SSC4D: variants seen among roughly 807,000 people sequenced by gnomAD.
The protein encoded by SSC4D is scavenger receptor cysteine rich family member with 4 domains, also known as scavenger receptor cysteine-rich domain-containing group B protein.
A neutral mutation model predicts 63.4 loss-of-function variants in SSC4D; 57 were observed. The observed-to-expected ratio is 0.90, with a 90% confidence interval of 0.73 to 1.12. SSC4D has a LOEUF of 1.12. Among genes scored for constraint, SSC4D ranks in the 50% most tolerant of loss-of-function variants. The pLI is 0.00. For missense variants in SSC4D, 791 were observed against 806.4 expected (o/e 0.98, Z 0.23); for synonymous variants, 352 against 345.4 (o/e 1.02, Z -0.21).
In SSC4D at chr7:76,393,878, G is replaced by T; in HGVS notation, c.973C>A (p.Arg325=). ...SATGVGPQPS[R]ETALLTTAAW... ...GCGGTGGTGAGCAGTGCTGTCTCCC[G>T]GGAAGGCTGGGGGCCAACTCCTGTA... Residue 325 remains arginine (R), a synonymous_variant, in exon 8 of 11, where the codon CGG becomes AGG. Transcript: ENST00000275560. 1 of 1,605,960 alleles carries T rather than the reference G, an allele frequency of 6.2e-7. No homozygotes were observed. Among genetic ancestry groups the T allele is most frequent in the East Asian group, 2.2e-5 (1 of 44,624 alleles).
At chr7:76,398,347 T>A (rs1804708350) in intron 5 of SSC4D, among the ~76,000 whole-genome samples, 2 of 149,762 alleles carry the variant, frequency 1.3e-5, no homozygotes, top group African/African-American at 4.9e-5. Flanking sequence ...TCTCACTGTG[T>A]CCCCCAGGCT....
intron 2 of SSC4D, among the ~76,000 whole-genome samples, chr7:76,402,901 A>G (rs1236763648): frequency 2.6e-5 from 4 of 152,198 alleles, no homozygotes; most frequent in African/African-American, 7.2e-5. Context: ...TCCCGACCTC[A>G]GGTGATCCAT....
intron 1 of SSC4D, among the ~76,000 whole-genome samples, chr7:76,405,729 G>T (rs540895082): frequency 1.3e-5 from 2 of 152,090 alleles, no homozygotes; most frequent in Admixed American, 6.6e-5. Flanking sequence ...GGATGGAAAC[G>T]CATGAGGAGT....
intron 1 of SSC4D, among the ~76,000 whole-genome samples, chr7:76,407,795 A>T (rs201262174): frequency 2.3e-4 from 35 of 152,316 alleles, no homozygotes; most frequent in African/African-American, 7.9e-4. Context: ...CATTCACACC[A>T]TGTAACCAGT....
chr7:76,409,450 C>T lies in SSC4D; in HGVS notation c.-103G>A, dbSNP rs1335808652. Reference sequence around the variant, plus strand: ...TTCTGGGCTCTTTCTGTCCCTTCTTCTACAGTCAATCCAAGATCGAATCAC... The same window carrying T: ...TTCTGGGCTCTTTCTGTCCCTTCTTTTACAGTCAATCCAAGATCGAATCAC... On this transcript the variant is annotated 5_prime_UTR_variant, in exon 1 of 11. Transcript: ENST00000275560. 6.6e-6 allele frequency: 1 copy of T among 152,280 alleles called. No individual in the cohort carries two copies. The highest frequency in any genetic ancestry group is 1.5e-5 in the Non-Finnish European group (1 of 68,142). 9.4% of individuals were successfully genotyped at this position (152,280 alleles called of 1,614,324 possible). A position where few individuals can be genotyped will look rare whatever the true frequency, so the allele number is the denominator to read the frequency against.
At chr7:76,401,258 T>TAG (rs1394636083) in intron 2 of SSC4D, among the ~76,000 whole-genome samples, 1 of 152,112 alleles carries the variant, frequency 6.6e-6, no homozygotes, top group Non-Finnish European at 1.5e-5. Flanking sequence ...TGGGCCAACC[T>TAG]AGAGAGATCT....
At position 76,400,332 on chromosome 7, in the gene SSC4D, G is replaced by C; in HGVS notation, c.429C>G (p.Gly143=). Residue 143 remains glycine, a synonymous_variant, in exon 4 of 11, where the codon GGC becomes GGG. Transcript: ENST00000275560. ...CCTCGTAGTGAAAGCAATTGTGGACGCCCCAGCCGCGGCTGCCGCACTCGC... is the reference window on the plus strand; with the variant it reads ...CCTCGTAGTGAAAGCAATTGTGGACCCCCCAGCCGCGGCTGCCGCACTCGC... ...ALSECGSRGW[G]VHNCFHYEDV... The C allele has an allele frequency of 6.7e-7, 1 of 1,501,988 alleles. No homozygotes were observed. The highest frequency in any genetic ancestry group is 8.9e-7 in the Non-Finnish European group (1 of 1,121,136). 93.0% of individuals were successfully genotyped at this position (1,501,988 alleles called of 1,614,324 possible).
At chr7:76,404,833 C>G (rs55722505) in intron 1 of SSC4D, among the ~76,000 whole-genome samples, 67,631 of 151,430 alleles carry the variant, frequency 0.45, 15,378 homozygotes, top group South Asian at 0.53. Flanking sequence ...ACTTTGGGAG[C>G]CTGAGGGAGG....
chr7:76,405,336 TTTC>T (rs1310377395), intron 1 of SSC4D, among the ~76,000 whole-genome samples: 2 of 75,420 alleles, frequency 2.7e-5, no homozygotes, highest in African/African-American at 1.3e-4. Context: ...TCTTTCTTTC[TTTC>T]TTTTTTTTTT....
At chr7:76,405,297 A>G (rs865993756) in intron 1 of SSC4D, among the ~76,000 whole-genome samples, 1,405 of 44,578 alleles carry the variant, frequency 0.032, 68 homozygotes, top group African/African-American at 0.057. Context: ...ATATATATAT[A>G]TATATATATA....
In SSC4D at chr7:76,389,944, A is replaced by T; in HGVS notation, c.*115T>A. On this transcript the variant is annotated 3_prime_UTR_variant, in exon 11 of 11. Transcript: ENST00000275560. ...GCACTGTCTAGGTAGGCTCTCTCCC[A>T]GGCAAGGGAAGGAGGGGCAAAGTGA... 1 of 1,382,854 alleles carries T rather than the reference A, an allele frequency of 7.2e-7. No homozygotes were observed. Among genetic ancestry groups the T allele is most frequent in the Non-Finnish European group, 1.0e-6 (1 of 995,554 alleles). The allele number at this position is 1,382,854 out of a possible 1,614,324, so 85.7% of individuals were successfully genotyped here.
In SSC4D at chr7:76,397,660, G is replaced by A. The variant is rs1000614248; in HGVS notation, c.726C>T (p.Ala242=). The change falls in exon 6 of 11, where the codon GCC becomes GCT. Residue 242 remains alanine, a synonymous_variant. Coordinates refer to ENST00000275560, the MANE Select transcript of SSC4D (RefSeq NM_080744.2). ...CGAAMAATTN[A]FFGYGTGHIL... ...TGTGTCCGGTGCCATAGCCGAAGAA[G>A]GCGTTGGTGGTGGCGGCCATGGCCG... The A allele has an allele frequency of 6.2e-7, 1 of 1,613,648 alleles. No homozygotes were observed. Among genetic ancestry groups the A allele is most frequent in the African/African-American group, 1.3e-5 (1 of 74,940 alleles).
Position 76,389,594 on chromosome 7 carries a change from G to T in SSC4D, c.*465C>A, listed in dbSNP as rs999738725. The T allele has an allele frequency of 3.5e-5, 6 of 169,336 alleles. No individual in the cohort carries two copies. Among genetic ancestry groups the T allele is most frequent in the Admixed American group, 1.1e-4 (2 of 18,030 alleles). The allele number at this position is 169,336 out of a possible 1,614,324, so 10.5% of individuals were successfully genotyped here. Reference sequence around the variant, plus strand: ...GGACAGGGACCCAGGTTCCTCTGCAGCCCCTGAGGGCCCAAGGTAGGAGCT... The same window carrying T: ...GGACAGGGACCCAGGTTCCTCTGCATCCCCTGAGGGCCCAAGGTAGGAGCT... On this transcript the variant is annotated 3_prime_UTR_variant, in exon 11 of 11. Transcript: ENST00000275560.
chr7:76,397,508 G>C lies in SSC4D; in HGVS notation c.868+10C>G, dbSNP rs1348409363. 1 of 1,509,052 alleles carries C rather than the reference G, an allele frequency of 6.6e-7. No individual in the cohort carries two copies. The highest frequency in any genetic ancestry group is 8.9e-7 in the Non-Finnish European group (1 of 1,129,938). 93.5% of individuals were successfully genotyped at this position (1,509,052 alleles called of 1,614,324 possible). A position where few individuals can be genotyped will look rare whatever the true frequency, so the allele number is the denominator to read the frequency against. On this transcript the variant is annotated intron_variant, in intron 6 of 10. Coordinates refer to ENST00000275560, the MANE Select transcript of SSC4D (RefSeq NM_080744.2). ...GCCCCGGCCCCGCCCATCGCCCCTA[G>C]AGCCCGCACCTGCGCAGAGCGCGCC...
chr7:76,401,297 C>T (rs1301782135), intron 2 of SSC4D, among the ~76,000 whole-genome samples: 1 of 152,220 alleles, frequency 6.6e-6, no homozygotes, highest in Non-Finnish European at 1.5e-5. Context: ...ATCTGCACAT[C>T]TCAAACTAAT....
intron 9 of SSC4D, 116 bp downstream of exon 9, chr7:76,393,289 G>A: frequency 3.6e-6 from 4 of 1,110,530 alleles, no homozygotes; most frequent in Non-Finnish European, 4.6e-6. Context: ...TGCGGAGTGC[G>A]CATGCTCCCC....
chr7:76,407,212 C>T (rs1366380325), intron 1 of SSC4D, among the ~76,000 whole-genome samples: 1 of 152,204 alleles, frequency 6.6e-6, no homozygotes, highest in African/African-American at 2.4e-5. Flanking sequence ...ACACCCGCCT[C>T]GGTCTCCCAA....
intron 7 of SSC4D, 34 bp downstream of exon 7, chr7:76,395,219 C>T: frequency 6.2e-7 from 1 of 1,611,946 alleles, no homozygotes; most frequent in Non-Finnish European, 8.5e-7. Flanking sequence ...CACCATACCC[C>T]TACCATTCCC....
intron 1 of SSC4D, among the ~76,000 whole-genome samples, chr7:76,406,333 G>A (rs1444693545): frequency 6.6e-6 from 1 of 152,060 alleles, no homozygotes; most frequent in African/African-American, 2.4e-5. Flanking sequence ...TAATTTGGGA[G>A]GATATAGATA....
Sources: allele counts gnomAD v4.1 joint callset (sites outside exome capture counted in the v4.1 genomes callset), GRCh38; gene constraint gnomAD v4.1.1; transcripts MANE v1.5; gene names NCBI Gene and HGNC (gene_info 2026-07-23, HGNC 2026-07-21).